Variants in NADK2 observed in about 807,000 individuals in gnomAD.
NADK2 encodes the protein NAD kinase domain-containing protein 1, mitochondrial.
Under a neutral mutation model 62.1 loss-of-function variants are expected in NADK2, and 35 were observed. The ratio of observed to expected loss-of-function variants is 0.56; its 90% CI spans 0.43 to 0.75. The LOEUF is 0.75. Ranked by LOEUF, NADK2 falls within the 30% of genes least tolerant of loss-of-function variation. The pLI is 0.00. For missense variants in NADK2, 439 were observed against 561.3 expected (o/e 0.78, Z 2.20); for synonymous variants, 205 against 207.9 (o/e 0.99, Z 0.12).
In NADK2 at chr5:36,217,895, TGAA is replaced by T. The variant is rs1232086518; in HGVS notation, c.645-14_645-12del. The T allele has an allele frequency of 2.5e-6, 4 of 1,609,936 alleles. No individual in the cohort carries two copies. The African/African-American group carries it at 4.0e-5, about 16-fold the overall frequency. Reference sequence around the variant, plus strand: ...TGCCTCCACAACCACCTTAGAAAAATGAAGAAAAGGCAAATTATGTTAAAATAG... The same window carrying T: ...TGCCTCCACAACCACCTTAGAAAAATGAAAAGGCAAATTATGTTAAAATAG... On this transcript the variant is annotated splice_polypyrimidine_tract_variant and intron_variant, in intron 5 of 11. Transcript: ENST00000381937.
intron 1 of NADK2, among the ~76,000 whole-genome samples, chr5:36,234,874 C>T (rs1386939765): frequency 6.6e-6 from 1 of 152,136 alleles, no homozygotes; most frequent in Non-Finnish European, 1.5e-5. Context: ...TCCCCTTCAT[C>T]CCTACCCTTC....
At chr5:36,206,261 G>T (rs1428359869) in intron 8 of NADK2, among the ~76,000 whole-genome samples, 1 of 150,230 alleles carries the variant, frequency 6.7e-6, no homozygotes, top group Non-Finnish European at 1.5e-5. Context: ...CCTGCATGTT[G>T]TGCACATGTA....
At chr5:36,216,310 T>C (rs1226914509) in intron 6 of NADK2, among the ~76,000 whole-genome samples, 1 of 152,184 alleles carries the variant, frequency 6.6e-6, no homozygotes, top group Non-Finnish European at 1.5e-5. Context: ...GAATTTCTTG[T>C]ATATTGTGGA....
At chr5:36,208,561 T>G (rs1746723234) in intron 7 of NADK2, 3 of 1,117,644 alleles carry the variant, frequency 2.7e-6, no homozygotes, top group Middle Eastern at 2.0e-4. Context: ...TTTATCAAGA[T>G]TAGTCAGTTC....
chr5:36,239,596 T>C (rs1748034070), intron 1 of NADK2, among the ~76,000 whole-genome samples: 1 of 152,224 alleles, frequency 6.6e-6, no homozygotes, highest in African/African-American at 2.4e-5. Flanking sequence ...AGTTTGACTT[T>C]TTAAGACTTA....
chr5:36,207,184 T>C lies in NADK2; in HGVS notation c.942A>G (p.Thr314=). The change falls in exon 8 of 12, where the codon ACA becomes ACG. Residue 314 remains threonine, a synonymous_variant. Coordinates refer to ENST00000381937, the MANE Select transcript of NADK2 (RefSeq NM_001085411.3). Reference sequence around the variant, plus strand: ...AAGTTACTCACCAGGCCTTTGATCCTGTTCCAGTACACAAATTGAGCCCTG... The same window carrying C: ...AAGTTACTCACCAGGCCTTTGATCCCGTTCCAGTACACAAATTGAGCCCTG... ...KSSGLNLCTG[T]GSKAWSFNIN... 1 of 1,612,516 alleles carries C rather than the reference T, an allele frequency of 6.2e-7. No individual in the cohort carries two copies.
intron 6 of NADK2, among the ~76,000 whole-genome samples, chr5:36,217,081 T>A (rs1239114673): frequency 6.6e-6 from 1 of 152,126 alleles, no homozygotes; most frequent in Non-Finnish European, 1.5e-5. Flanking sequence ...AGCAAAAATG[T>A]AAAAGTAGCT....
chr5:36,233,218 C>T (rs1475644753), intron 1 of NADK2, among the ~76,000 whole-genome samples: 2 of 152,156 alleles, frequency 1.3e-5, no homozygotes, highest in African/African-American at 4.8e-5. Context: ...ATTTTCTAAA[C>T]TAGTTCCTTA....
At chr5:36,202,890 G>C (rs1746498084) in intron 8 of NADK2, among the ~76,000 whole-genome samples, 2 of 152,048 alleles carry the variant, frequency 1.3e-5, no homozygotes, top group Non-Finnish European at 1.5e-5. Context: ...GACTTATACT[G>C]TGTTAAGCCA....
rs186644591 is a variant in NADK2 at position 36,211,337 on chromosome 5, G to A, written c.860+507C>T. Among the ~76,000 whole-genome samples the A allele has an allele frequency of 1.7e-3, 255 of 152,150 alleles. 2 individuals carry two copies. The highest frequency in any genetic ancestry group is 8.7e-4 in the Non-Finnish European group (59 of 67,982). On this transcript the variant is annotated intron_variant, in intron 7 of 11. Transcript: ENST00000381937. ...TGTTCTTCTGCCGTGGCTTCAGCCGGTCTCTCAGTTCAGGGTCCCTGACTT... is the reference window on the plus strand; with the variant it reads ...TGTTCTTCTGCCGTGGCTTCAGCCGATCTCTCAGTTCAGGGTCCCTGACTT...
chr5:36,229,609 G>A (rs893508527), intron 1 of NADK2, among the ~76,000 whole-genome samples: 3 of 151,578 alleles, frequency 2.0e-5, no homozygotes, highest in Admixed American at 1.3e-4. Context: ...CTCTCCCTTG[G>A]CAATCTCTAG....
chr5:36,227,842 T>A (rs1240431233), intron 1 of NADK2, among the ~76,000 whole-genome samples: 1 of 151,416 alleles, frequency 6.6e-6, no homozygotes, highest in Non-Finnish European at 1.5e-5. Flanking sequence ...TTATTTTTTT[T>A]ATGACTTTTT....
At chr5:36,235,775 T>C (rs1412292880) in intron 1 of NADK2, among the ~76,000 whole-genome samples, 1 of 152,000 alleles carries the variant, frequency 6.6e-6, no homozygotes, top group Non-Finnish European at 1.5e-5. Context: ...CTACCACCTT[T>C]CATTTAGGAA....
At chr5:36,209,682 G>C (rs922336146) in intron 7 of NADK2, among the ~76,000 whole-genome samples, 4 of 152,008 alleles carry the variant, frequency 2.6e-5, no homozygotes, top group South Asian at 2.1e-4. Flanking sequence ...TGTAGCAAAA[G>C]AGAAAACTTT....
intron 2 of NADK2, 46 bp from the exon 3 acceptor site, chr5:36,226,609 T>C (rs766797824): frequency 1.5e-6 from 2 of 1,322,782 alleles, no homozygotes; most frequent in Admixed American, 3.5e-5. Context: ...ACTAATAATA[T>C]ATATAACAGG....
intron 5 of NADK2, among the ~76,000 whole-genome samples, chr5:36,219,019 G>A (rs181437322): frequency 8.9e-4 from 135 of 152,214 alleles, no homozygotes; most frequent in Non-Finnish European, 1.5e-4. Context: ...TCTCACTGAA[G>A]GAGAAAAAAA....
intron 4 of NADK2, among the ~76,000 whole-genome samples, chr5:36,224,280 G>A (rs1747393059): frequency 6.6e-6 from 1 of 152,144 alleles, no homozygotes; most frequent in South Asian, 2.1e-4. Flanking sequence ...CTAGAATTGT[G>A]CAGAAAGATA....
In NADK2 at chr5:36,241,336, G is replaced by C; in HGVS notation, c.300+163C>G. The C allele has an allele frequency of 7.8e-7, 1 of 1,289,396 alleles. No homozygotes were observed. The highest frequency in any genetic ancestry group is 1.8e-5 in the South Asian group (1 of 56,672). The allele number at this position is 1,289,396 out of a possible 1,614,324, so 79.9% of individuals were successfully genotyped here. A position where few individuals can be genotyped will look rare whatever the true frequency, so the allele number is the denominator to read the frequency against. ...CGCACACACGCCCAAAGGCAAAGGA[G>C]GCCCAGGGAGAAGCCAGAGGACCTG... On this transcript the variant is annotated intron_variant, in intron 1 of 11. Transcript: ENST00000381937. This position sits in a 1 kb window ranked among gnomAD's most constrained non-coding sequence, Gnocchi z 4.9.
chr5:36,240,350 A>T (rs953146615), intron 1 of NADK2, among the ~76,000 whole-genome samples: 1 of 152,250 alleles, frequency 6.6e-6, no homozygotes, highest in African/African-American at 2.4e-5. Flanking sequence ...TTGACAACAG[A>T]TTCAGCACTT....
Sources: gnomAD v4.1 joint callset for allele counts (sites outside exome capture counted in the v4.1 genomes callset) on GRCh38, gnomAD v4.1.1 for gene constraint, Gnocchi (gnomAD v3.1) non-coding constraint, MANE v1.5 for transcripts, NCBI Gene and HGNC (gene_info 2026-07-23, HGNC 2026-07-21) for gene names.